ROBO2: variants seen among roughly 807,000 people sequenced by gnomAD.
The protein encoded by ROBO2 is roundabout homolog 2.
In ROBO2, 53 loss-of-function variants were observed where a neutral mutation model predicts 160.8. The ratio of observed to expected loss-of-function variants is 0.33; its 90% CI spans 0.26 to 0.41. The LOEUF (loss-of-function observed/expected upper bound fraction) is 0.41, where lower values mean the gene tolerates loss of function less well. Ranked by LOEUF, ROBO2 falls within the 10% of genes least tolerant of loss-of-function variation. The probability of loss-of-function intolerance (pLI) is 1.00; values close to 1 mark genes in which losing one functional copy is unlikely to be tolerated. For synonymous variants in ROBO2, 664 were observed against 611.7 expected, an observed-to-expected ratio of 1.09 and a Z score of -1.26; for missense variants, 1,577 against 1,722.4, an observed-to-expected ratio of 0.92 and a Z score of 1.49.
At chr3:76,208,230 T>C (rs1403493877) in intron 2 of ROBO2, among the ~76,000 whole-genome samples, 1 of 152,144 alleles carries the variant, frequency 6.6e-6, no homozygotes, top group Non-Finnish European at 1.5e-5. Context: ...GGTGCGAGGA[T>C]GGACTAATAC....
intron 2 of ROBO2, among the ~76,000 whole-genome samples, chr3:76,251,678 A>G (rs1158560427): frequency 6.6e-6 from 1 of 152,132 alleles, no homozygotes; most frequent in African/African-American, 2.4e-5. Flanking sequence ...ACTGTGAAAG[A>G]AAAAGAAATT....
chr3:77,159,659 A>C (rs2078315514), intron 2 of ROBO2, among the ~76,000 whole-genome samples: 1 of 152,208 alleles, frequency 6.6e-6, no homozygotes, highest in Non-Finnish European at 1.5e-5. Context: ...TGTCAAAAGA[A>C]ATGTAGTAAT....
chr3:76,728,841 TC>T (rs1392066050), intron 2 of ROBO2, among the ~76,000 whole-genome samples: 2 of 152,212 alleles, frequency 1.3e-5, no homozygotes, highest in Admixed American at 1.3e-4. Flanking sequence ...TAAAAACGTT[TC>T]CCCATTTTTG....
intron 2 of ROBO2, among the ~76,000 whole-genome samples, chr3:76,421,169 G>C (rs891755861): frequency 6.6e-6 from 1 of 152,048 alleles, no homozygotes; most frequent in African/African-American, 2.4e-5. Context: ...ATCTATTTTA[G>C]CTCTACACAT....
At chr3:76,914,885 C>T (rs1355906935) in intron 2 of ROBO2, among the ~76,000 whole-genome samples, 1 of 152,090 alleles carries the variant, frequency 6.6e-6, no homozygotes, top group Non-Finnish European at 1.5e-5. Flanking sequence ...TCAAGAACAG[C>T]ATCCCATTCT....
intron 1 of ROBO2, among the ~76,000 whole-genome samples, chr3:77,090,995 T>G (rs2070158104): frequency 6.6e-6 from 1 of 152,148 alleles, no homozygotes; most frequent in Admixed American, 6.5e-5. Flanking sequence ...AGCATAGAAA[T>G]TTTGCTGGAG....
intron 2 of ROBO2, among the ~76,000 whole-genome samples, chr3:76,476,730 T>TA (rs1476133521): frequency 2.0e-5 from 3 of 152,320 alleles, no homozygotes; most frequent in Admixed American, 6.5e-5. Context: ...CAGGCTGAGC[T>TA]ACTTTAAAAT....
chr3:76,974,542 T>C (rs949457582), intron 2 of ROBO2, among the ~76,000 whole-genome samples: 2 of 152,154 alleles, frequency 1.3e-5, no homozygotes, highest in Non-Finnish European at 2.9e-5. Context: ...GCAACCCAGG[T>C]GTTCTGGTTA....
chr3:77,208,592 G>C (rs116472439), intron 2 of ROBO2, among the ~76,000 whole-genome samples: 3 of 152,178 alleles, frequency 2.0e-5, no homozygotes, highest in Non-Finnish European at 2.9e-5. Flanking sequence ...CATTTGAATG[G>C]ACAGAACTAA....
chr3:76,555,723 A>T (rs1299767126), intron 2 of ROBO2, among the ~76,000 whole-genome samples: 1 of 152,132 alleles, frequency 6.6e-6, no homozygotes, highest in African/African-American at 2.4e-5. Context: ...TACTATATCA[A>T]TTTGACAGAA....
At chr3:76,004,200 A>G (rs911558115) in intron 2 of ROBO2, among the ~76,000 whole-genome samples, 1 of 152,212 alleles carries the variant, frequency 6.6e-6, no homozygotes, top group African/African-American at 2.4e-5. Context: ...AGTTTGCGAT[A>G]AAAAAGAATA....
chr3:76,667,104 G>A (rs143798051), intron 2 of ROBO2, among the ~76,000 whole-genome samples: 43 of 152,212 alleles, frequency 2.8e-4, no homozygotes, highest in African/African-American at 8.9e-4. Flanking sequence ...TGACAAAGAC[G>A]GTGAAAAGTA....
At chr3:76,035,524 C>T (rs1372123808) in intron 2 of ROBO2, among the ~76,000 whole-genome samples, 1 of 151,844 alleles carries the variant, frequency 6.6e-6, no homozygotes, top group East Asian at 1.9e-4. Context: ...AGATTTTCTC[C>T]TCTATGCCAT....
At chr3:76,699,246 A>G (rs945401574) in intron 2 of ROBO2, among the ~76,000 whole-genome samples, 6 of 152,120 alleles carry the variant, frequency 3.9e-5, no homozygotes, top group African/African-American at 1.2e-4. Flanking sequence ...TTGGCTCCTA[A>G]TCAGATCTGC....
At chr3:77,554,121 T>C (rs2093025090) in intron 8 of ROBO2, among the ~76,000 whole-genome samples, 1 of 151,974 alleles carries the variant, frequency 6.6e-6, no homozygotes, top group African/African-American at 2.4e-5. Flanking sequence ...TCAAAAATTC[T>C]ATGACCCTTA....
intron 2 of ROBO2, among the ~76,000 whole-genome samples, chr3:77,267,642 A>G (rs573409132): frequency 1.8e-4 from 27 of 152,192 alleles, no homozygotes; most frequent in Non-Finnish European, 2.9e-4. Flanking sequence ...GTTTATTTGT[A>G]GTGGGACTGA....
At chr3:77,361,365 A>T (rs1318491579) in intron 2 of ROBO2, among the ~76,000 whole-genome samples, 2 of 152,052 alleles carry the variant, frequency 1.3e-5, no homozygotes, top group Non-Finnish European at 2.9e-5. Context: ...TTATTTGTAT[A>T]TTTATTTTAT....
chr3:77,227,233 TA>T (rs1424710829), intron 2 of ROBO2, among the ~76,000 whole-genome samples: 3 of 152,164 alleles, frequency 2.0e-5, no homozygotes, highest in East Asian at 1.9e-4. Flanking sequence ...AAACATGGGC[TA>T]AAAATGATAT....
intron 2 of ROBO2, among the ~76,000 whole-genome samples, chr3:76,020,682 T>C (rs1361185871): frequency 6.6e-6 from 1 of 151,960 alleles, no homozygotes; most frequent in African/African-American, 2.4e-5. Flanking sequence ...CCAAATTTAA[T>C]ATTTTTGTTA....
Sources: gnomAD v4.1 joint callset for allele counts (sites outside exome capture counted in the v4.1 genomes callset) on GRCh38, gnomAD v4.1.1 for gene constraint, MANE v1.5 for transcripts, NCBI Gene and HGNC (gene_info 2026-07-23, HGNC 2026-07-21) for gene names.